The following ABTB3 variants were observed in gnomAD, a reference collection of about 807,000 sequenced individuals.
ABTB3 encodes the protein ankyrin repeat and BTB domain containing 3, also known as ankyrin repeat- and BTB/POZ domain-containing protein 3.
the ABTB3 span, among the ~76,000 whole-genome samples, chr12:107,551,613 G>A: frequency 6.6e-6 from 1 of 152,162 alleles, no homozygotes; most frequent in Admixed American, 6.5e-5. Flanking sequence ...ACACTCATTT[G>A]TTTACATATT....
chr12:107,629,689 C>T, the ABTB3 span, among the ~76,000 whole-genome samples: 1 of 146,276 alleles, frequency 6.8e-6, no homozygotes, highest in Non-Finnish European at 1.5e-5. Flanking sequence ...TGGCCTGCTG[C>T]CCTGAGACTG....
At chr12:107,360,807 G>A in the ABTB3 span, among the ~76,000 whole-genome samples, 1 of 152,100 alleles carries the variant, frequency 6.6e-6, no homozygotes, top group Non-Finnish European at 1.5e-5. Flanking sequence ...AGGCTGGAAT[G>A]CAGTGACATG....
At chr12:107,410,186 C>T in the ABTB3 span, among the ~76,000 whole-genome samples, 14 of 143,654 alleles carry the variant, frequency 9.7e-5, no homozygotes, top group East Asian at 2.1e-4. Context: ...ATGCCCAGCA[C>T]GCAAACTTTG....
chr12:107,630,742 T>C, the ABTB3 span, among the ~76,000 whole-genome samples: 12 of 152,208 alleles, frequency 7.9e-5, no homozygotes, highest in Non-Finnish European at 1.3e-4. Context: ...GTTTTTAAAA[T>C]AGATTTTATT....
chr12:107,426,320 G>A, the ABTB3 span, among the ~76,000 whole-genome samples: 2 of 152,206 alleles, frequency 1.3e-5, no homozygotes, highest in Non-Finnish European at 2.9e-5. Flanking sequence ...TGCAACAGTG[G>A]CTGTGAGCCT....
the ABTB3 span, among the ~76,000 whole-genome samples, chr12:107,333,610 G>C: frequency 2.4e-4 from 36 of 152,188 alleles, no homozygotes; most frequent in Non-Finnish European, 7.3e-5. Flanking sequence ...GGAATCCTCA[G>C]ATGTAGAAGT....
At chr12:107,340,670 C>T in the ABTB3 span, among the ~76,000 whole-genome samples, 1 of 149,820 alleles carries the variant, frequency 6.7e-6, no homozygotes, top group Non-Finnish European at 1.5e-5. Context: ...CTTGGAGAAT[C>T]GATTAAGTGG....
the ABTB3 span, among the ~76,000 whole-genome samples, chr12:107,453,915 A>G: frequency 6.6e-6 from 1 of 151,946 alleles, no homozygotes; most frequent in Non-Finnish European, 1.5e-5. Context: ...GAATTGGATG[A>G]CTCCTGAGTT....
At chr12:107,434,218 T>C in the ABTB3 span, among the ~76,000 whole-genome samples, 1 of 152,194 alleles carries the variant, frequency 6.6e-6, no homozygotes, top group Non-Finnish European at 1.5e-5. Flanking sequence ...GCAAGACAGC[T>C]GGGATATGTA....
chr12:107,625,606 C>T, the ABTB3 span, among the ~76,000 whole-genome samples: 4 of 152,080 alleles, frequency 2.6e-5, no homozygotes, highest in Non-Finnish European at 5.9e-5. Flanking sequence ...CCCACGTAGT[C>T]TTCTCTGACA....
chr12:107,319,016 G>A, the ABTB3 span: 2 of 1,613,512 alleles, frequency 1.2e-6, no homozygotes, highest in African/African-American at 2.7e-5. Flanking sequence ...TGGTGGCGCG[G>A]CGGACTCGGT....
chr12:107,354,094 G>A, the ABTB3 span, among the ~76,000 whole-genome samples: 14 of 152,186 alleles, frequency 9.2e-5, no homozygotes, highest in East Asian at 1.5e-3. Context: ...AACCAACACC[G>A]CAAATACGAT....
chr12:107,584,560 C>A, the ABTB3 span, among the ~76,000 whole-genome samples: 6 of 152,336 alleles, frequency 3.9e-5, 1 homozygote, highest in East Asian at 9.6e-4. Context: ...ATAAACAGCC[C>A]TAGAAAGGGG....
At chr12:107,412,316 C>T in the ABTB3 span, among the ~76,000 whole-genome samples, 3 of 152,194 alleles carry the variant, frequency 2.0e-5, no homozygotes, top group Non-Finnish European at 4.4e-5. Flanking sequence ...CCCAAGGCCC[C>T]ACAGCTCACA....
At chr12:107,454,077 A>G in the ABTB3 span, among the ~76,000 whole-genome samples, 1 of 152,258 alleles carries the variant, frequency 6.6e-6, no homozygotes, top group Admixed American at 6.5e-5. Flanking sequence ...TATTCATTAC[A>G]TATACTCCCA....
chr12:107,360,614 T>C, the ABTB3 span, among the ~76,000 whole-genome samples: 1 of 152,226 alleles, frequency 6.6e-6, no homozygotes, highest in Admixed American at 6.5e-5. Flanking sequence ...AATCAGCCTT[T>C]AACTGGCAAA....
At chr12:107,594,724 G>C in the ABTB3 span, among the ~76,000 whole-genome samples, 1 of 152,086 alleles carries the variant, frequency 6.6e-6, no homozygotes, top group Non-Finnish European at 1.5e-5. Context: ...AGGGGGGCCA[G>C]TATCCGAGTC....
chr12:107,574,576 G>T, the ABTB3 span, among the ~76,000 whole-genome samples: 1 of 152,312 alleles, frequency 6.6e-6, no homozygotes, highest in African/African-American at 2.4e-5. Flanking sequence ...TACAAAATTA[G>T]CTGGGTGTGG....
At chr12:107,544,293 A>G in the ABTB3 span, among the ~76,000 whole-genome samples, 26 of 152,242 alleles carry the variant, frequency 1.7e-4, no homozygotes, top group African/African-American at 6.0e-4. Context: ...CTGAGGGGAT[A>G]TCTTAGACCC....
Sources: gnomAD v4.1 joint callset for allele counts (sites outside exome capture counted in the v4.1 genomes callset) on GRCh38, gnomAD v4.1.1 for gene constraint, MANE v1.5 for transcripts, NCBI Gene and HGNC (gene_info 2026-07-23, HGNC 2026-07-21) for gene names.